Variants in SLC24A3 observed in about 807,000 individuals in gnomAD.
SLC24A3 encodes sodium/potassium/calcium exchanger 3.
SLC24A3 carries 28 observed loss-of-function variants against 75.8 expected under a neutral mutation model. That is an observed-to-expected ratio of 0.37 (90% CI 0.27 to 0.51). SLC24A3 has a LOEUF of 0.51. Among genes scored for constraint, SLC24A3 ranks in the 20% least tolerant of loss-of-function variants. The probability of loss-of-function intolerance (pLI) is 0.94; values close to 1 mark genes in which losing one functional copy is unlikely to be tolerated. For missense variants in SLC24A3, 663 were observed against 847.8 expected, an observed-to-expected ratio of 0.78 and a Z score of 2.71; for synonymous variants, 372 against 334.1, an observed-to-expected ratio of 1.11 and a Z score of -1.24.
chr20:19,539,556 T>A (rs1311185228), intron 3 of SLC24A3, among the ~76,000 whole-genome samples: 1 of 152,154 alleles, frequency 6.6e-6, no homozygotes, highest in Non-Finnish European at 1.5e-5. Context: ...TTCTGCTCCA[T>A]TTTACAGATT....
chr20:19,216,450 A>AG (rs1568559878), intron 1 of SLC24A3, among the ~76,000 whole-genome samples: 1 of 151,914 alleles, frequency 6.6e-6, no homozygotes, highest in African/African-American at 2.4e-5. Flanking sequence ...CTCTTAAAAA[A>AG]TTTTTTTTAA....
chr20:19,245,167 C>T (rs1982450256), intron 1 of SLC24A3, among the ~76,000 whole-genome samples: 1 of 152,070 alleles, frequency 6.6e-6, no homozygotes, highest in Non-Finnish European at 1.5e-5. Flanking sequence ...AATATCTTAT[C>T]GTGGACCTGC....
chr20:19,521,619 G>A (rs2030100493), intron 3 of SLC24A3, among the ~76,000 whole-genome samples: 1 of 152,196 alleles, frequency 6.6e-6, no homozygotes, highest in Non-Finnish European at 1.5e-5. Flanking sequence ...AGGAGAGGAG[G>A]AGGAAGCTCT....
At chr20:19,333,906 G>T in intron 2 of SLC24A3, among the ~76,000 whole-genome samples, 1 of 152,058 alleles carries the variant, frequency 6.6e-6, no homozygotes. Context: ...CAAACTGCCT[G>T]TTTCCATTTA....
chr20:19,447,070 C>A (rs1188442816), intron 2 of SLC24A3, among the ~76,000 whole-genome samples: 1 of 152,138 alleles, frequency 6.6e-6, no homozygotes, highest in East Asian at 1.9e-4. Flanking sequence ...GAAATGGAAC[C>A]TGGACAAACC....
chr20:19,332,238 G>T lies in SLC24A3; in HGVS notation c.271+51151G>T, dbSNP rs562674249. 1.6e-3 allele frequency among the ~76,000 whole-genome samples: 245 copies of T among 152,200 alleles called. 1 individual carries two copies. Among genetic ancestry groups the T allele is most frequent in the African/African-American group, 5.5e-3 (230 of 41,508 alleles). Reference sequence around the variant, plus strand: ...TATATCACTCTGATTATTGTGTGGAGCTTGAATTGTAGTGGGACACTGAGC... The same window carrying T: ...TATATCACTCTGATTATTGTGTGGATCTTGAATTGTAGTGGGACACTGAGC... On this transcript the variant is annotated intron_variant, in intron 2 of 16. Transcript: ENST00000328041.
chr20:19,472,789 G>C (rs1191092183), intron 2 of SLC24A3, among the ~76,000 whole-genome samples: 1 of 152,166 alleles, frequency 6.6e-6, no homozygotes. Context: ...GTAGTGAGTG[G>C]GGTAGGAAGA....
chr20:19,368,326 A>T (rs1985933737), intron 2 of SLC24A3, among the ~76,000 whole-genome samples: 1 of 152,224 alleles, frequency 6.6e-6, no homozygotes, highest in Non-Finnish European at 1.5e-5. Context: ...AGACAGAGTT[A>T]AAAGCAGCAA....
At chr20:19,467,473 A>G (rs566087465) in intron 2 of SLC24A3, among the ~76,000 whole-genome samples, 1 of 152,188 alleles carries the variant, frequency 6.6e-6, no homozygotes, top group African/African-American at 2.4e-5. Context: ...CTAAGGGTAG[A>G]TATGCCTAGA....
chr20:19,404,795 G>A (rs1270150789), intron 2 of SLC24A3, among the ~76,000 whole-genome samples: 3 of 152,230 alleles, frequency 2.0e-5, no homozygotes, highest in Middle Eastern at 3.4e-3. Context: ...AAGGACTGAA[G>A]GGGCTCTTCC....
At chr20:19,551,405 C>G (rs930794557) in intron 3 of SLC24A3, among the ~76,000 whole-genome samples, 3 of 152,046 alleles carry the variant, frequency 2.0e-5, no homozygotes, top group African/African-American at 7.2e-5. Flanking sequence ...AATGGAGAAG[C>G]AGGTATTAAA....
intron 1 of SLC24A3, among the ~76,000 whole-genome samples, chr20:19,225,340 T>G (rs1981842822): frequency 6.6e-6 from 1 of 152,192 alleles, no homozygotes; most frequent in Non-Finnish European, 1.5e-5. Context: ...TTTGGTTGTT[T>G]GAAATCACAG....
intron 2 of SLC24A3, among the ~76,000 whole-genome samples, chr20:19,395,928 C>A (rs1247988201): frequency 6.6e-6 from 1 of 152,124 alleles, no homozygotes; most frequent in Non-Finnish European, 1.5e-5. Flanking sequence ...CTTTGGTCTT[C>A]TAGCTGTGAG....
intron 2 of SLC24A3, among the ~76,000 whole-genome samples, chr20:19,309,027 G>T (rs112761162): frequency 2.6e-5 from 4 of 152,196 alleles, no homozygotes; most frequent in Non-Finnish European, 4.4e-5. Context: ...CCATGGATTC[G>T]TGGAGGACAT....
intron 3 of SLC24A3, among the ~76,000 whole-genome samples, chr20:19,531,829 G>T (rs968187025): frequency 3.9e-5 from 6 of 152,326 alleles, no homozygotes; most frequent in Non-Finnish European, 7.3e-5. Context: ...CCCGCGTGGA[G>T]ATCAGAGTGT....
intron 3 of SLC24A3, among the ~76,000 whole-genome samples, chr20:19,555,386 G>A (rs1452308854): frequency 6.6e-6 from 1 of 152,166 alleles, no homozygotes; most frequent in Non-Finnish European, 1.5e-5. Context: ...TGATGAATGA[G>A]AAATTCATCC....
intron 3 of SLC24A3, among the ~76,000 whole-genome samples, chr20:19,546,028 G>A (rs530226692): frequency 1.3e-4 from 20 of 151,634 alleles, no homozygotes; most frequent in South Asian, 1.0e-3. Flanking sequence ...GCATGGTGGC[G>A]GGCACCTGTA....
At chr20:19,631,791 A>AGAGTGTGTGT (rs1555803686) in intron 6 of SLC24A3, among the ~76,000 whole-genome samples, 3 of 147,838 alleles carry the variant, frequency 2.0e-5, no homozygotes, top group African/African-American at 5.0e-5. Context: ...TATGAGTGAG[A>AGAGTGTGTGT]GTGTGTGTGT....
chr20:19,544,191 AC>A (rs970018237), intron 3 of SLC24A3, among the ~76,000 whole-genome samples: 48 of 152,318 alleles, frequency 3.2e-4, no homozygotes, highest in African/African-American at 1.1e-3. Context: ...CTAGTTTGCC[AC>A]ATTTGAAGTT....
Sources: allele counts gnomAD v4.1 joint callset (sites outside exome capture counted in the v4.1 genomes callset), GRCh38; gene constraint gnomAD v4.1.1; transcripts MANE v1.5; gene names NCBI Gene and HGNC (gene_info 2026-07-23, HGNC 2026-07-21).